The following TAFA1 variants were observed in gnomAD, a reference collection of about 807,000 sequenced individuals.
TAFA1 encodes the protein TAFA chemokine like family member 1, also known as chemokine-like protein TAFA-1.
Under a neutral mutation model 18.5 loss-of-function variants are expected in TAFA1, and 4 were observed. The observed-to-expected ratio is 0.22, with a 90% CI of 0.11 to 0.49. TAFA1 has a LOEUF of 0.49. Ranked by LOEUF, TAFA1 falls within the 20% of genes least tolerant of loss-of-function variation. The pLI is 0.98. For missense variants in TAFA1, 147 were observed against 169.0 expected, an observed-to-expected ratio of 0.87 and a Z score of 0.72; for synonymous variants, 56 against 55.2, an observed-to-expected ratio of 1.01 and a Z score of -0.06.
chr3:68,436,968 T>A (rs962691184), intron 3 of TAFA1, among the ~76,000 whole-genome samples: 1 of 152,194 alleles, frequency 6.6e-6, no homozygotes, highest in Non-Finnish European at 1.5e-5. Context: ...TTTTTATTTA[T>A]AAATATTTTA....
intron 3 of TAFA1, among the ~76,000 whole-genome samples, chr3:68,521,989 C>G (rs962139094): frequency 6.8e-6 from 1 of 146,042 alleles, no homozygotes; most frequent in East Asian, 2.1e-4. Flanking sequence ...ACAACAGGAG[C>G]ACACCACCGA....
intron 4 of TAFA1, among the ~76,000 whole-genome samples, chr3:68,543,116 A>T (rs577872273): frequency 1.3e-5 from 2 of 152,306 alleles, no homozygotes; most frequent in African/African-American, 2.4e-5. Flanking sequence ...TTATTTAGGA[A>T]TAAAATGAGA....
chr3:68,017,707 G>A (rs780744058), intron 2 of TAFA1, among the ~76,000 whole-genome samples: 1 of 152,182 alleles, frequency 6.6e-6, no homozygotes, highest in Non-Finnish European at 1.5e-5. Flanking sequence ...GTTTAAGATA[G>A]TGCAGCTTTA....
chr3:68,521,416 A>T (rs1190700480), intron 3 of TAFA1, among the ~76,000 whole-genome samples: 2 of 152,218 alleles, frequency 1.3e-5, no homozygotes, highest in Non-Finnish European at 2.9e-5. Flanking sequence ...CACAATTTCT[A>T]TGTGCCAGGC....
At chr3:68,329,082 C>CT in intron 2 of TAFA1, among the ~76,000 whole-genome samples, 1 of 149,178 alleles carries the variant, frequency 6.7e-6, no homozygotes, top group African/African-American at 2.5e-5. Flanking sequence ...CTTGTGGCCA[C>CT]TTTTTTGTTT....
At chr3:68,367,639 G>C (rs2106807446) in intron 2 of TAFA1, among the ~76,000 whole-genome samples, 1 of 152,140 alleles carries the variant, frequency 6.6e-6, no homozygotes, top group African/African-American at 2.4e-5. Context: ...CACAACCTCG[G>C]ACACATTATA....
chr3:68,239,895 A>G (rs2066974951), intron 2 of TAFA1, among the ~76,000 whole-genome samples: 1 of 152,242 alleles, frequency 6.6e-6, no homozygotes, highest in Non-Finnish European at 1.5e-5. Flanking sequence ...TGCCTTTTAA[A>G]TATATAATAG....
At chr3:68,341,203 G>A (rs775098915) in intron 2 of TAFA1, among the ~76,000 whole-genome samples, 2 of 152,168 alleles carry the variant, frequency 1.3e-5, no homozygotes, top group Non-Finnish European at 2.9e-5. Flanking sequence ...AAGCATTCCA[G>A]TATTGGAGTT....
chr3:68,243,745 A>G (rs1333857750), intron 2 of TAFA1, among the ~76,000 whole-genome samples: 1 of 152,276 alleles, frequency 6.6e-6, no homozygotes, highest in Non-Finnish European at 1.5e-5. Context: ...ATTATAAATA[A>G]AGAGACCATG....
chr3:68,545,108 T>C lies in TAFA1; in HGVS notation c.*605T>C, dbSNP rs1260524204. The stretch of plus-strand genomic sequence containing the variant: ...CTACCAGATGGCCCAAGGAAGCACA[T>C]CGTCCTGTTTTATTGCTTTCTACCC... On this transcript the variant is annotated 3_prime_UTR_variant, in exon 5 of 5. Transcript: ENST00000478136. 2 of 152,568 alleles carry C rather than the reference T, an allele frequency of 1.3e-5. No homozygotes were observed. Among genetic ancestry groups the C allele is most frequent in the African/African-American group, 4.8e-5 (2 of 41,414 alleles). The allele number at this position is 152,568 out of a possible 1,614,324, so 9.5% of individuals were successfully genotyped here.
intron 2 of TAFA1, among the ~76,000 whole-genome samples, chr3:68,093,790 T>C (rs895212587): frequency 3.3e-5 from 5 of 152,016 alleles, no homozygotes; most frequent in African/African-American, 1.2e-4. Flanking sequence ...TGATGAAAAA[T>C]AAGAATCCAA....
chr3:68,451,144 A>T (rs1475841130), intron 3 of TAFA1, among the ~76,000 whole-genome samples: 1 of 152,286 alleles, frequency 6.6e-6, no homozygotes, highest in East Asian at 1.9e-4. Flanking sequence ...CGTTGTCCCA[A>T]TATCCAGGCT....
At chr3:68,291,689 C>A (rs2068112223) in intron 2 of TAFA1, among the ~76,000 whole-genome samples, 1 of 143,662 alleles carries the variant, frequency 7.0e-6, no homozygotes, top group South Asian at 2.6e-4. Flanking sequence ...TGTTCATTCC[C>A]CACAAAAAAA....
At chr3:68,051,487 C>G (rs1481412843) in intron 2 of TAFA1, among the ~76,000 whole-genome samples, 1 of 152,086 alleles carries the variant, frequency 6.6e-6, no homozygotes, top group East Asian at 1.9e-4. Context: ...ATTGTCCTAA[C>G]TAGGGAAGAG....
chr3:68,059,776 T>G (rs1451667891), intron 2 of TAFA1, among the ~76,000 whole-genome samples: 1 of 152,194 alleles, frequency 6.6e-6, no homozygotes, highest in Non-Finnish European at 1.5e-5. Context: ...TAAGATCTTT[T>G]GTAAAAGTGT....
chr3:68,409,963 A>C (rs9822547), intron 2 of TAFA1, among the ~76,000 whole-genome samples: 2 of 151,876 alleles, frequency 1.3e-5, no homozygotes. Flanking sequence ...TAAAAGAAAC[A>C]TTATCCTTCG....
intron 2 of TAFA1, among the ~76,000 whole-genome samples, chr3:68,075,832 G>T (rs2064816489): frequency 6.6e-6 from 1 of 151,944 alleles, no homozygotes; most frequent in East Asian, 1.9e-4. Flanking sequence ...TACTGGCTGG[G>T]ACTACAGGCA....
intron 2 of TAFA1, among the ~76,000 whole-genome samples, chr3:68,400,556 A>G (rs993545347): frequency 6.6e-6 from 1 of 152,224 alleles, no homozygotes; most frequent in Non-Finnish European, 1.5e-5. Context: ...AGGAGAACAG[A>G]GTCATATTCA....
chr3:68,089,110 A>G (rs923313261), intron 2 of TAFA1, among the ~76,000 whole-genome samples: 1 of 152,232 alleles, frequency 6.6e-6, no homozygotes, highest in African/African-American at 2.4e-5. Context: ...TGAGGCACCT[A>G]TTAGACATAC....
Sources: gnomAD v4.1 joint callset for allele counts (sites outside exome capture counted in the v4.1 genomes callset) on GRCh38, gnomAD v4.1.1 for gene constraint, MANE v1.5 for transcripts, NCBI Gene and HGNC (gene_info 2026-07-23, HGNC 2026-07-21) for gene names.